Variants in RFC3 observed in about 807,000 individuals in gnomAD.
RFC3 encodes A1 38 kDa subunit.
In RFC3, 41 loss-of-function variants were observed where a neutral mutation model predicts 45.1. The ratio of observed to expected loss-of-function variants is 0.91; its 90% CI spans 0.71 to 1.18. The LOEUF is 1.18. RFC3 is among the 50% of genes most tolerant of loss of function. RFC3 has a pLI of 0.00. For missense variants in RFC3, 423 were observed against 428.1 expected (o/e 0.99, Z 0.10); for synonymous variants, 149 against 144.0 (o/e 1.03, Z -0.25).
intron 8 of RFC3, among the ~76,000 whole-genome samples, chr13:33,916,554 T>C (rs2082734646): frequency 6.6e-6 from 1 of 152,124 alleles, no homozygotes; most frequent in South Asian, 2.1e-4. Context: ...ATGCAGAATA[T>C]TGTCTCATAA....
rs1593714149 is a variant in RFC3, at chr13:33,950,606, C to A, written c.880-15481C>A. On this transcript the variant is annotated intron_variant, in intron 8 of 8. Coordinates refer to the RFC3 transcript ENST00000434425. ...TCCCTGGCAACATGGAAGAAAGCGT[C>A]TGTAGTTAGGAAAGAATGAGGCCAA... 2.0e-5 allele frequency among the ~76,000 whole-genome samples: 3 copies of A among 152,190 alleles called. No individual in the cohort carries two copies. The South Asian group carries it at 6.2e-4, about 32-fold the overall frequency.
Position 33,943,161 on chromosome 13 carries a change from G to T in RFC3, c.880-22926G>T, listed in dbSNP as rs995162506. Among the ~76,000 whole-genome samples, 8 of 152,222 alleles carry T rather than the reference G, an allele frequency of 5.3e-5. No individual in the cohort carries two copies. In the South Asian group the frequency reaches 8.3e-4, roughly 16 times the overall value. ...CATTCATTTTTCATTGATGGGCAGG[G>T]ATAAGCCCTGCCTTAGATTCTGCAA... On this transcript the variant is annotated intron_variant, in intron 8 of 8. Coordinates refer to the RFC3 transcript ENST00000434425.
intron 8 of RFC3, among the ~76,000 whole-genome samples, chr13:33,876,786 C>T (rs892677383): frequency 6.6e-6 from 1 of 152,162 alleles, no homozygotes; most frequent in African/African-American, 2.4e-5. Context: ...ATTGGGAAGT[C>T]GATTTTCTTC....
chr13:33,971,775 T>C, the RFC3 span, among the ~76,000 whole-genome samples: 2 of 152,244 alleles, frequency 1.3e-5, no homozygotes, highest in African/African-American at 4.8e-5. Flanking sequence ...TAAATATATA[T>C]GTCTCTTTAA....
intron 8 of RFC3, among the ~76,000 whole-genome samples, chr13:33,899,641 C>T (rs2082626819): frequency 6.6e-6 from 1 of 151,830 alleles, no homozygotes; most frequent in African/African-American, 2.4e-5. Context: ...TGCCCACTTT[C>T]ACCACTTTTA....
intron 8 of RFC3, among the ~76,000 whole-genome samples, chr13:33,843,163 T>A (rs2082212157): frequency 6.6e-6 from 1 of 151,630 alleles, no homozygotes; most frequent in South Asian, 2.1e-4. Context: ...TCATCTCATA[T>A]TTTTCAAATT....
rs538348854 is a variant in RFC3, at chr13:33,865,447, C to A, written c.879+30230C>A. On this transcript the variant is annotated intron_variant, in intron 8 of 8. Transcript: ENST00000434425. ...GTTGGTGCCTGAGAAATTACAAAGG[C>A]AAACCTAGGTGGAGAAAGCTGGCAT... 4.0e-5 allele frequency among the ~76,000 whole-genome samples: 6 copies of A among 149,026 alleles called. No individual in the cohort carries two copies. The East Asian group carries it at 1.2e-3, about 30-fold the overall frequency.
At chr13:33,962,712 C>A (rs191249082) in intron 8 of RFC3, among the ~76,000 whole-genome samples, 1 of 152,092 alleles carries the variant, frequency 6.6e-6, no homozygotes, top group East Asian at 1.9e-4. Flanking sequence ...TCATGAAAAT[C>A]AAAATAAAAG....
At chr13:33,903,966 A>T (rs1399004143) in intron 8 of RFC3, among the ~76,000 whole-genome samples, 1 of 152,126 alleles carries the variant, frequency 6.6e-6, no homozygotes, top group African/African-American at 2.4e-5. Flanking sequence ...CATGTTTATT[A>T]CACTAACATC....
intron 8 of RFC3, among the ~76,000 whole-genome samples, chr13:33,881,050 A>G (rs2082479947): frequency 1.3e-5 from 2 of 152,276 alleles, no homozygotes; most frequent in African/African-American, 4.8e-5. Context: ...AGCAAGACTC[A>G]GTCTCAAAAA....
intron 8 of RFC3, among the ~76,000 whole-genome samples, chr13:33,924,338 T>G (rs1193194334): frequency 1.3e-5 from 2 of 152,080 alleles, no homozygotes; most frequent in African/African-American, 4.8e-5. Context: ...TCTCAATGAG[T>G]TTCTGTTCTT....
chr13:33,835,468 C>G, intron 8 of RFC3: 1 of 653,372 alleles, frequency 1.5e-6, no homozygotes, highest in South Asian at 1.4e-5. Context: ...AAGAGAATTT[C>G]AGAGTGTTGT....
At chr13:33,958,407 C>T (rs1439494239) in intron 8 of RFC3, among the ~76,000 whole-genome samples, 4 of 152,164 alleles carry the variant, frequency 2.6e-5, no homozygotes, top group Non-Finnish European at 4.4e-5. Flanking sequence ...GAGGTATTTG[C>T]ACTTTGCTCC....
intron 8 of RFC3, among the ~76,000 whole-genome samples, chr13:33,864,980 A>C (rs1210330788): frequency 6.6e-6 from 1 of 152,172 alleles, no homozygotes; most frequent in African/African-American, 2.4e-5. Context: ...TAATCGATTG[A>C]TTGTAGCTCA....
chr13:33,880,430 G>T (rs1339867344), intron 8 of RFC3, among the ~76,000 whole-genome samples: 3 of 152,146 alleles, frequency 2.0e-5, no homozygotes, highest in Admixed American at 1.3e-4. Context: ...AGACGAATTA[G>T]TGAGTCATTG....
chr13:33,941,274 A>G (rs559143622), intron 8 of RFC3, among the ~76,000 whole-genome samples: 43 of 152,054 alleles, frequency 2.8e-4, no homozygotes, highest in African/African-American at 9.2e-4. Flanking sequence ...TTCCTCTCTA[A>G]TCACCCTTCA....
At chr13:33,954,120 T>C (rs1427210011) in intron 8 of RFC3, among the ~76,000 whole-genome samples, 4 of 152,188 alleles carry the variant, frequency 2.6e-5, no homozygotes, top group African/African-American at 4.8e-5. Context: ...CCAAAAAAAT[T>C]GATAGCAACC....
chr13:33,916,610 G>C (rs991407134), intron 8 of RFC3, among the ~76,000 whole-genome samples: 2 of 152,084 alleles, frequency 1.3e-5, no homozygotes, highest in Admixed American at 1.3e-4. Flanking sequence ...ACTGACCAAG[G>C]CCACTCACAG....
At chr13:33,826,299 T>C (rs1311467105) in intron 4 of RFC3, among the ~76,000 whole-genome samples, 1 of 152,210 alleles carries the variant, frequency 6.6e-6, no homozygotes, top group East Asian at 1.9e-4. Flanking sequence ...TTTGTGATAA[T>C]AAATATGCCA....
Sources: allele counts gnomAD v4.1 joint callset (sites outside exome capture counted in the v4.1 genomes callset), GRCh38; gene constraint gnomAD v4.1.1; transcripts MANE v1.5; gene names NCBI Gene and HGNC (gene_info 2026-07-23, HGNC 2026-07-21).